XKR9: variants seen among roughly 807,000 people sequenced by gnomAD.
XKR9 encodes XK-related protein 9.
Under a neutral mutation model 32.0 loss-of-function variants are expected in XKR9, and 32 were observed. That is an observed-to-expected ratio of 1.00 (90% CI 0.76 to 1.34). The LOEUF (loss-of-function observed/expected upper bound fraction) is 1.34, where lower values mean the gene tolerates loss of function less well. Ranked by LOEUF, XKR9 falls within the 40% of genes most tolerant of loss-of-function variation. The pLI, the probability that XKR9 is intolerant of heterozygous loss-of-function variation, is 0.00. For synonymous variants in XKR9, 168 were observed against 143.4 expected, an observed-to-expected ratio of 1.17 and a Z score of -1.22; for missense variants, 546 against 429.7, an observed-to-expected ratio of 1.27 and a Z score of -2.39.
the XKR9 span, among the ~76,000 whole-genome samples, chr8:70,925,078 C>T: frequency 7.2e-5 from 11 of 152,158 alleles, no homozygotes; most frequent in Non-Finnish European, 1.3e-4. Context: ...CATTCTATGC[C>T]TCTCTTGTAC....
chr8:70,997,158 A>G, the XKR9 span, among the ~76,000 whole-genome samples: 9 of 152,088 alleles, frequency 5.9e-5, no homozygotes, highest in Admixed American at 3.3e-4. Flanking sequence ...ATTAGCTGGC[A>G]TTGTGGCAGG....
intron 2 of XKR9, among the ~76,000 whole-genome samples, chr8:70,766,011 TGTA>T (rs1177242115): frequency 6.6e-6 from 1 of 152,182 alleles, no homozygotes; most frequent in Non-Finnish European, 1.5e-5. Context: ...ACTATAGCCT[TGTA>T]GTATTGTTTG....
At chr8:70,670,273 T>G (rs1190585857) in intron 1 of XKR9, among the ~76,000 whole-genome samples, 1 of 152,040 alleles carries the variant, frequency 6.6e-6, no homozygotes, top group African/African-American at 2.4e-5. Flanking sequence ...GCTGGTCTTG[T>G]GGAGCCGTTT....
the XKR9 span, among the ~76,000 whole-genome samples, chr8:70,801,785 G>A: frequency 6.6e-6 from 1 of 152,224 alleles, no homozygotes; most frequent in South Asian, 2.1e-4. Context: ...CTATTATTCT[G>A]TGGTTATCTG....
chr8:70,722,390 G>A (rs1586856870), intron 4 of XKR9, among the ~76,000 whole-genome samples: 1 of 152,220 alleles, frequency 6.6e-6, no homozygotes, highest in East Asian at 1.9e-4. Context: ...TCTTCATAGT[G>A]TCATAGGTCT....
the XKR9 span, among the ~76,000 whole-genome samples, chr8:70,853,977 A>G: frequency 4.6e-5 from 7 of 152,224 alleles, no homozygotes; most frequent in African/African-American, 1.7e-4. Flanking sequence ...GAATAGTGCC[A>G]CAATAAACAC....
chr8:70,876,997 G>T, the XKR9 span, among the ~76,000 whole-genome samples: 1 of 152,052 alleles, frequency 6.6e-6, no homozygotes, highest in African/African-American at 2.4e-5. Flanking sequence ...TTCTCATACT[G>T]CCAGGAAGAA....
the XKR9 span, among the ~76,000 whole-genome samples, chr8:71,010,779 T>C: frequency 4.3e-4 from 66 of 152,258 alleles, no homozygotes; most frequent in African/African-American, 1.5e-3. Flanking sequence ...GGCTCCATAA[T>C]TTGCCTTTTA....
At chr8:71,004,750 A>G in the XKR9 span, among the ~76,000 whole-genome samples, 1 of 152,206 alleles carries the variant, frequency 6.6e-6, no homozygotes, top group African/African-American at 2.4e-5. Flanking sequence ...CTCCCTGGCT[A>G]GGGCAGGCAG....
chr8:70,863,248 C>A, the XKR9 span, among the ~76,000 whole-genome samples: 1 of 151,976 alleles, frequency 6.6e-6, no homozygotes, highest in Non-Finnish European at 1.5e-5. Context: ...CATAACATGG[C>A]TAATAATTAA....
chr8:70,922,300 G>T, the XKR9 span, among the ~76,000 whole-genome samples: 1 of 152,112 alleles, frequency 6.6e-6, no homozygotes, highest in Non-Finnish European at 1.5e-5. Flanking sequence ...ATTTAGAAGC[G>T]CCACTCAAAA....
chr8:70,670,411 A>G (rs1325839314), intron 1 of XKR9, among the ~76,000 whole-genome samples: 1 of 152,214 alleles, frequency 6.6e-6, no homozygotes, highest in Non-Finnish European at 1.5e-5. Flanking sequence ...CTTAAAAGAA[A>G]ATACACAGAT....
Position 70,706,984 on chromosome 8 carries a change from C to T in XKR9, c.324C>T (p.Ser108=), listed in dbSNP as rs2132176964. The T allele has an allele frequency of 6.2e-7, 1 of 1,613,166 alleles. No homozygotes were observed. The highest frequency in any genetic ancestry group is 2.2e-5 in the East Asian group (1 of 44,818). The change falls in exon 4 of 5, where the codon AGC becomes AGT. Residue 108 remains serine, a synonymous_variant. Coordinates refer to ENST00000408926, the MANE Select transcript of XKR9 (RefSeq NM_001011720.2). ...RGYHAAFKYD[S]NTSNFVEEQI... is the part of the protein sequence containing the mutation. ...ACCATGCAGCTTTTAAATATGACAG[C>T]AATACTAGTAACTTCGTGGAAGAAC...
chr8:70,725,688 T>C (rs1806442411), intron 4 of XKR9, among the ~76,000 whole-genome samples: 1 of 152,088 alleles, frequency 6.6e-6, no homozygotes, highest in Admixed American at 6.6e-5. Context: ...AGCAGATCAC[T>C]TAAGGTCAGG....
intron 2 of XKR9, among the ~76,000 whole-genome samples, chr8:70,788,234 C>T (rs2130264692): frequency 6.6e-6 from 1 of 152,184 alleles, no homozygotes; most frequent in South Asian, 2.1e-4. Context: ...GGTTAGTGTA[C>T]ATGAATTGTG....
chr8:70,751,700 C>T (rs1807144405), intron 2 of XKR9, among the ~76,000 whole-genome samples: 1 of 152,168 alleles, frequency 6.6e-6, no homozygotes, highest in Non-Finnish European at 1.5e-5. Context: ...GACACCAGAA[C>T]TTCAAGTTCT....
the XKR9 span, among the ~76,000 whole-genome samples, chr8:71,036,915 C>T: frequency 7.0e-6 from 1 of 143,726 alleles, no homozygotes; most frequent in South Asian, 2.2e-4. Flanking sequence ...TACCATGTTG[C>T]CCAGGCTGGT....
At chr8:70,860,589 T>TTCTTCC in the XKR9 span, among the ~76,000 whole-genome samples, 31 of 152,234 alleles carry the variant, frequency 2.0e-4, no homozygotes, top group South Asian at 4.2e-4. Context: ...CCTTCTCCTT[T>TTCTTCC]TCTTCCTCTT....
chr8:70,992,959 T>C, the XKR9 span, among the ~76,000 whole-genome samples: 1 of 152,248 alleles, frequency 6.6e-6, no homozygotes, highest in African/African-American at 2.4e-5. Context: ...TAGACTTGGA[T>C]AACTCAATCT....
Sources: allele counts gnomAD v4.1 joint callset (sites outside exome capture counted in the v4.1 genomes callset), GRCh38; gene constraint gnomAD v4.1.1; transcripts MANE v1.5; gene names NCBI Gene and HGNC (gene_info 2026-07-23, HGNC 2026-07-21).